HABP2: variants seen among roughly 807,000 people sequenced by gnomAD.
HABP2 encodes factor VII-activating protease.
A neutral mutation model predicts 66.5 loss-of-function variants in HABP2; 65 were observed. The observed-to-expected ratio is 0.98, with a 90% CI of 0.80 to 1.20. The LOEUF (loss-of-function observed/expected upper bound fraction) is 1.20. Among genes scored for constraint, HABP2 ranks in the 50% most tolerant of loss-of-function variants. The pLI is 0.00. For missense variants in HABP2, 786 were observed against 691.0 expected, an observed-to-expected ratio of 1.14 and a Z score of -1.54; for synonymous variants, 263 against 253.9, an observed-to-expected ratio of 1.04 and a Z score of -0.34.
At position 113,579,769 on chromosome 10, in the gene HABP2, TTTTG is replaced by T. The variant is rs998595565; in HGVS notation, c.741-814_741-811del. ...ATGAGGATTTTTTCTTGTTTTTTTT[TTTTG>T]TTTGTTTGTTTTTGTTTTTGTTTTT... is the stretch of plus-strand genomic sequence containing the variant. On this transcript the variant is annotated intron_variant, in intron 7 of 12. Transcript: ENST00000351270. 1.2e-4 allele frequency among the ~76,000 whole-genome samples: 19 copies of T among 152,090 alleles called. No homozygotes were observed. In the South Asian group the frequency reaches 2.1e-3, roughly 17 times the overall value.
At chr10:113,565,332 TAA>T (rs376475923) in intron 1 of HABP2, among the ~76,000 whole-genome samples, 5 of 151,646 alleles carry the variant, frequency 3.3e-5, no homozygotes, top group Non-Finnish European at 5.9e-5. Flanking sequence ...GTATTTTTTT[TAA>T]AAAAGAGGTT....
Position 113,580,642 on chromosome 10 carries a change from A to G in HABP2, c.788A>G (p.Asn263Ser), listed in dbSNP as rs1845508744. 15 of 1,606,202 alleles carry G rather than the reference A, an allele frequency of 9.3e-6. No homozygotes were observed. The highest frequency in any genetic ancestry group is 1.1e-5 in the Non-Finnish European group (13 of 1,172,840). Reference sequence around the variant, plus strand: ...CCCTGGTGCTTTATTAAAGTTACCAATGACAAGGTGAAATGGGAATACTGT... The same window carrying G: ...CCCTGGTGCTTTATTAAAGTTACCAGTGACAAGGTGAAATGGGAATACTGT... ...EKPWCFIKVT[N>S]DKVKWEYCDV... is the part of the protein sequence containing the mutation. The change falls in exon 8 of 13, where the codon AAT becomes AGT. Residue 263 changes from asparagine (N) to serine (S), a missense_variant. By Grantham distance (46) the Asn-to-Ser change is conservative (BLOSUM62 1). Transcript: ENST00000351270.
In HABP2 at chr10:113,588,741, T is replaced by C; in HGVS notation, c.*372T>C. On this transcript the variant is annotated 3_prime_UTR_variant, in exon 13 of 13. Coordinates refer to ENST00000351270, the MANE Select transcript of HABP2 (RefSeq NM_004132.5). Reference sequence around the variant, plus strand: ...AGCGGGAACCACCATCACATCTTTATTCCTCAGCCCAGACACTCGAGGCAC... The same window carrying C: ...AGCGGGAACCACCATCACATCTTTACTCCTCAGCCCAGACACTCGAGGCAC... 1.8e-6 allele frequency: 1 copy of C among 558,456 alleles called. No homozygotes were observed. The highest frequency in any genetic ancestry group is 1.9e-5 in the African/African-American group (1 of 53,372). The allele number at this position is 558,456 out of a possible 1,614,324, so 34.6% of individuals were successfully genotyped here.
chr10:113,584,757 TG>T lies in HABP2; in HGVS notation c.1372+480del, dbSNP rs551619029. ...ATTCATTAAGTCAGCCCTTAGAAGA[TG>T]GGGGTCAGGTCCCATTCATCTCTGT... On this transcript the variant is annotated intron_variant, in intron 11 of 12. Coordinates refer to ENST00000351270, the MANE Select transcript of HABP2 (RefSeq NM_004132.5). Among the ~76,000 whole-genome samples, 4 of 152,340 alleles carry T rather than the reference TG, an allele frequency of 2.6e-5. No homozygotes were observed. The South Asian group carries it at 8.3e-4, about 32-fold the overall frequency.
chr10:113,563,676 C>G (rs1845142162), intron 1 of HABP2, among the ~76,000 whole-genome samples: 1 of 152,190 alleles, frequency 6.6e-6, no homozygotes, highest in Admixed American at 6.5e-5. Flanking sequence ...CCCGGCTGTC[C>G]CTCAGGCTCC....
chr10:113,561,370 C>T (rs7094824), intron 1 of HABP2, among the ~76,000 whole-genome samples: 34,430 of 152,096 alleles, frequency 0.23, 4,485 homozygotes, highest in Non-Finnish European at 0.3. Context: ...CCACTACTCG[C>T]TCTGGCCTTG....
At chr10:113,577,558 G>A (rs558143129) in intron 5 of HABP2, among the ~76,000 whole-genome samples, 2 of 152,132 alleles carry the variant, frequency 1.3e-5, no homozygotes, top group Non-Finnish European at 2.9e-5. Flanking sequence ...AATACATATC[G>A]AGTCCCTGCT....
intron 1 of HABP2, among the ~76,000 whole-genome samples, chr10:113,562,477 T>G (rs954416948): frequency 4.8e-5 from 7 of 145,842 alleles, no homozygotes; most frequent in Non-Finnish European, 1.0e-4. Flanking sequence ...CAGAGTCTCA[T>G]TCTTTCACCC....
rs1354595606 is a variant in HABP2 at position 113,589,413 on chromosome 10, G to A, written c.*1044G>A. On this transcript the variant is annotated 3_prime_UTR_variant, in exon 13 of 13. Coordinates refer to ENST00000351270, the MANE Select transcript of HABP2 (RefSeq NM_004132.5). The stretch of plus-strand genomic sequence containing the variant: ...TGGGCTGCCCTGGCCCGGGATTGAT[G>A]TAGCCCCGGTAGGTTTGCCTCTGCA... The A allele has an allele frequency of 2.1e-5, 12 of 583,436 alleles. No homozygotes were observed. Among genetic ancestry groups the A allele is most frequent in the Non-Finnish European group, 3.6e-5 (12 of 331,240 alleles). 36.1% of individuals were successfully genotyped at this position (583,436 alleles called of 1,614,324 possible). A position where few individuals can be genotyped will look rare whatever the true frequency, so the allele number is the denominator to read the frequency against.
chr10:113,560,316 A>C (rs1845077771), intron 1 of HABP2, among the ~76,000 whole-genome samples: 1 of 152,226 alleles, frequency 6.6e-6, no homozygotes, highest in Non-Finnish European at 1.5e-5. Context: ...ACCTATTAGG[A>C]TGGCTCACTT....
In HABP2 at chr10:113,560,044, G is replaced by T. The variant is rs184877938; in HGVS notation, c.69+6854G>T. On this transcript the variant is annotated intron_variant, in intron 1 of 12. Coordinates refer to ENST00000351270, the MANE Select transcript of HABP2 (RefSeq NM_004132.5). ...TCTGAGCCAGTTCCTCTCTACAGTG[G>T]CTCCTGGCTCATCACTGTGGTCTGG... Among the ~76,000 whole-genome samples the T allele has an allele frequency of 6.6e-5, 10 of 152,310 alleles. No individual in the cohort carries two copies. The East Asian group carries it at 1.7e-3, about 26-fold the overall frequency.
At chr10:113,578,906 C>A in intron 7 of HABP2, 108 bp downstream of exon 7, 1 of 745,536 alleles carries the variant, frequency 1.3e-6, no homozygotes, top group Non-Finnish European at 2.4e-6. Context: ...CTCAGCAAGG[C>A]AATGTTATGC....
Position 113,553,056 on chromosome 10 carries a change from C to G in HABP2, c.-66C>G. 2 of 1,169,880 alleles carry G rather than the reference C, an allele frequency of 1.7e-6. No individual in the cohort carries two copies. Among genetic ancestry groups the G allele is most frequent in the Non-Finnish European group, 2.6e-6 (2 of 777,040 alleles). 72.5% of individuals were successfully genotyped at this position (1,169,880 alleles called of 1,614,324 possible). A position where few individuals can be genotyped will look rare whatever the true frequency, so the allele number is the denominator to read the frequency against. On this transcript the variant is annotated 5_prime_UTR_variant, in exon 1 of 13. Coordinates refer to ENST00000351270, the MANE Select transcript of HABP2 (RefSeq NM_004132.5). ...ATCCTTGGAGACTGACATTTTTCCC[C>G]CCTAAAGGCATAGACAACAAAAGAA...
At chr10:113,554,765 G>C (rs769167661) in intron 1 of HABP2, among the ~76,000 whole-genome samples, 6 of 152,204 alleles carry the variant, frequency 3.9e-5, no homozygotes, top group Admixed American at 1.3e-4. Context: ...AAAGGATAAT[G>C]GTCCCGAAAA....
chr10:113,574,557 T>C, intron 3 of HABP2, 152 bp downstream of exon 3: 1 of 564,622 alleles, frequency 1.8e-6, no homozygotes, highest in Non-Finnish European at 3.2e-6. Context: ...TTTTTTTCTG[T>C]TAGATTCATA....
chr10:113,564,102 C>T (rs970286103), intron 1 of HABP2, among the ~76,000 whole-genome samples: 27 of 152,276 alleles, frequency 1.8e-4, no homozygotes, highest in African/African-American at 6.5e-4. Context: ...GGGGAGGCCT[C>T]ACAATCATGG....
At chr10:113,585,203 A>G (rs1405662181) in intron 11 of HABP2, among the ~76,000 whole-genome samples, 1 of 152,148 alleles carries the variant, frequency 6.6e-6, no homozygotes, top group Non-Finnish European at 1.5e-5. Flanking sequence ...GAACTTGTCA[A>G]CCTCTATTCT....
chr10:113,582,175 G>T, intron 9 of HABP2, 44 bp downstream of exon 9: 2 of 1,562,954 alleles, frequency 1.3e-6, no homozygotes, highest in East Asian at 2.3e-5. Flanking sequence ...TTGAGTGGCT[G>T]GGGGTGCTCT....
Position 113,567,470 on chromosome 10 carries a change from G to A in HABP2, c.70-19G>A. The A allele has an allele frequency of 6.2e-7, 1 of 1,606,894 alleles. No individual in the cohort carries two copies. Among genetic ancestry groups the A allele is most frequent in the South Asian group, 1.1e-5 (1 of 90,890 alleles). On this transcript the variant is annotated intron_variant, in intron 1 of 12. Coordinates refer to ENST00000351270, the MANE Select transcript of HABP2 (RefSeq NM_004132.5). ...AGCTCCATCTCAACGCTGATCTGCTGTGTTGTTTTGTTTTTCAGTTCTCCC... is the reference window on the plus strand; with the variant it reads ...AGCTCCATCTCAACGCTGATCTGCTATGTTGTTTTGTTTTTCAGTTCTCCC...
Sources: gnomAD v4.1 joint callset for allele counts (sites outside exome capture counted in the v4.1 genomes callset) on GRCh38, gnomAD v4.1.1 for gene constraint, MANE v1.5 for transcripts, NCBI Gene and HGNC (gene_info 2026-07-23, HGNC 2026-07-21) for gene names.